SMIM9: variants seen among roughly 807,000 people sequenced by gnomAD.
The protein encoded by SMIM9 is chromosome X open reading frame 68.
In SMIM9, 8 loss-of-function variants were observed where a neutral mutation model predicts 7.2. The observed-to-expected ratio is 1.10, with a 90% confidence interval of 0.65 to 1.99. The LOEUF (loss-of-function observed/expected upper bound fraction) is 1.99, where lower values mean the gene tolerates loss of function less well. Among genes scored for constraint, SMIM9 ranks in the 30% most tolerant of loss-of-function variants. The pLI is 0.00. For synonymous variants in SMIM9, 19 were observed against 26.4 expected (o/e 0.72, Z 0.86); for missense variants, 76 against 69.3 (o/e 1.10, Z -0.34).
chrX:154,829,305 G>A (rs2072434176), intron 4 of SMIM9, among the ~76,000 whole-genome samples: 1 of 112,336 alleles, frequency 8.9e-6, no homozygotes, highest in South Asian at 3.7e-4. Context: ...GTCATTAAAT[G>A]TGACCTGTCA....
At chrX:154,829,712 T>C (rs2072436511) in intron 3 of SMIM9, 48 bp from the exon 4 acceptor site, 1 of 1,142,285 alleles carries the variant, frequency 8.8e-7, no homozygotes, top group Admixed American at 2.6e-5. Flanking sequence ...AAGTAAATGA[T>C]AGGGCTGGCG....
chrX:154,824,051 C>T (rs1343572333), intron 4 of SMIM9, among the ~76,000 whole-genome samples: 2 of 111,319 alleles, frequency 1.8e-5, no homozygotes, highest in Non-Finnish European at 3.8e-5. Flanking sequence ...AACAATACAG[C>T]TCATTGTAGA....
In SMIM9 at chrX:154,830,813, G is replaced by A. The variant is rs1460877843; in HGVS notation, c.44C>T (p.Ser15Phe). ...KLLIIGFLLCSLTCLLLETVA... is the reference protein window; with the variant it reads ...KLLIIGFLLCFLTCLLLETVA... ...TGTCTCCAACAAGAGGCAAGTTAGA[G>A]AGCATAGCAGAAATCCAATTATCAG... is the stretch of plus-strand genomic sequence containing the variant. Residue 15 changes from serine to phenylalanine, a missense_variant, in exon 3 of 5, where the codon TCT (serine) becomes TTT (phenylalanine). Physicochemically the swap from Ser to Phe is radical, Grantham distance 155. Transcript: ENST00000369529. 1.3e-5 allele frequency: 15 copies of A among 1,165,598 alleles called. No homozygotes were observed. The highest frequency in any genetic ancestry group is 1.7e-5 in the Non-Finnish European group (15 of 872,535).
chrX:154,831,013 G>A (rs1204148998), intron 2 of SMIM9, 58 bp from the exon 3 acceptor site: 23 of 570,303 alleles, frequency 4.0e-5, no homozygotes, highest in Non-Finnish European at 5.3e-5. Flanking sequence ...TCACCATCAC[G>A]AACATAAGGA....
At chrX:154,828,333 G>C (rs1557270334) in intron 4 of SMIM9, among the ~76,000 whole-genome samples, 1 of 111,077 alleles carries the variant, frequency 9.0e-6, no homozygotes, top group Admixed American at 9.6e-5. Context: ...ACAGGAAGAG[G>C]ATAAGCACCA....
intron 1 of SMIM9, among the ~76,000 whole-genome samples, 168 bp downstream of exon 1, chrX:154,834,395 C>T (rs143727248): frequency 0.068 from 7,542 of 111,710 alleles, 612 homozygotes; most frequent in African/African-American, 0.23. Flanking sequence ...TGTCCTGTGC[C>T]CACCAGGTAA....
intron 4 of SMIM9, among the ~76,000 whole-genome samples, chrX:154,824,913 G>A (rs2072414284): frequency 9.0e-6 from 1 of 111,707 alleles, no homozygotes; most frequent in Admixed American, 9.4e-5. Context: ...GAGTATAGAG[G>A]AGGAAGAATG....
At chrX:154,832,290 A>T (rs1340202555) in intron 2 of SMIM9, among the ~76,000 whole-genome samples, 1 of 111,408 alleles carries the variant, frequency 9.0e-6, no homozygotes, top group Non-Finnish European at 1.9e-5. Context: ...GCTTTTGGGA[A>T]GGCTTTTTGC....
At chrX:154,830,190 G>C (rs1483282476) in intron 3 of SMIM9, among the ~76,000 whole-genome samples, 3 of 111,472 alleles carry the variant, frequency 2.7e-5, no homozygotes, top group African/African-American at 9.8e-5. Context: ...AACTGGGGGA[G>C]GAAGGTACAG....
In SMIM9 at chrX:154,823,749, A is replaced by G. The variant is rs781800058; in HGVS notation, c.*6T>C. On this transcript the variant is annotated 3_prime_UTR_variant, in exon 5 of 5. Coordinates refer to ENST00000369529, the MANE Select transcript of SMIM9 (RefSeq NM_001162936.4). ...CCACACTTGCCCTGTTGAATCTTCT[A>G]GTTCTTCAGTGGACTGGATCAACTA... 1 of 1,162,874 alleles carries G rather than the reference A, an allele frequency of 8.6e-7. No individual in the cohort carries two copies. Among genetic ancestry groups the G allele is most frequent in the Non-Finnish European group, 1.1e-6 (1 of 870,865 alleles).
At chrX:154,828,168 T>C (rs1483805224) in intron 4 of SMIM9, among the ~76,000 whole-genome samples, 1 of 111,959 alleles carries the variant, frequency 8.9e-6, no homozygotes, top group Non-Finnish European at 1.9e-5. Context: ...TCCTCAGTAC[T>C]AAGTCACACT....
At chrX:154,831,677 T>C (rs1177494099) in intron 2 of SMIM9, among the ~76,000 whole-genome samples, 1 of 110,948 alleles carries the variant, frequency 9.0e-6, no homozygotes, top group Non-Finnish European at 1.9e-5. Context: ...GCTGACCACA[T>C]ATCCTATGAG....
At chrX:154,833,748 G>C (rs2072454314) in intron 1 of SMIM9, among the ~76,000 whole-genome samples, 1 of 108,759 alleles carries the variant, frequency 9.2e-6, no homozygotes, top group Non-Finnish European at 1.9e-5. Flanking sequence ...ATCAAGTCGA[G>C]GCAACATAGC....
intron 1 of SMIM9, among the ~76,000 whole-genome samples, chrX:154,834,176 T>C (rs1024584471): frequency 3.6e-5 from 4 of 112,459 alleles, no homozygotes; most frequent in African/African-American, 1.3e-4. Context: ...AAAGCAAGTA[T>C]ACACTGGAAG....
At position 154,832,588 on chromosome X, in the gene SMIM9, A is replaced by T. The variant is rs1338008145; in HGVS notation, c.-114T>A. On this transcript the variant is annotated 5_prime_UTR_variant, in exon 2 of 5. Transcript: ENST00000369529. ...AAACCACTTACCTGAAAATGGACTT[A>T]GGACCACGGAATTCAAAGAAACCAG... 8.9e-6 allele frequency: 1 copy of T among 112,131 alleles called. No individual in the cohort carries two copies. Among genetic ancestry groups the T allele is most frequent in the Non-Finnish European group, 1.9e-5 (1 of 53,230 alleles). The allele number at this position is 112,131 out of a possible 1,213,427, so 9.2% of individuals were successfully genotyped here.
rs1557270509 is a variant in SMIM9, at chrX:154,830,735, C to A, written c.122G>T (p.Gly41Val). The change falls in exon 3 of 5, where the codon GGA becomes GTA. Residue 41 changes from glycine to valine, a missense_variant. By Grantham distance (109) the Gly-to-Val change is moderately radical (BLOSUM62 -3). Coordinates refer to ENST00000369529, the MANE Select transcript of SMIM9 (RefSeq NM_001162936.4). Reference protein sequence around the residue: ...LSALGIQEKTGSKPRSGGNHR... With the variant: ...LSALGIQEKTVSKPRSGGNHR... ...CACACCCCCTGAGCGTGGTTTCGAT[C>A]CTGTTTTTTCTTGTATTCCCAAGGC... 3.4e-6 allele frequency: 4 copies of A among 1,167,547 alleles called. No individual in the cohort carries two copies. The highest frequency in any genetic ancestry group is 1.9e-5 in the South Asian group (1 of 52,596).
At chrX:154,831,050 C>G (rs2072443571) in intron 2 of SMIM9, 95 bp from the exon 3 acceptor site, 1 of 397,005 alleles carries the variant, frequency 2.5e-6, no homozygotes, top group African/African-American at 2.6e-5. Context: ...ACAGGTGACT[C>G]CTGAAAATGG....
chrX:154,828,911 C>A (rs147015340), intron 4 of SMIM9, among the ~76,000 whole-genome samples: 2,034 of 111,683 alleles, frequency 0.018, 48 homozygotes, highest in African/African-American at 0.062. Flanking sequence ...CCAACTATTT[C>A]CTGACCTCAT....
chrX:154,830,839 C>T lies in SMIM9; in HGVS notation c.18G>A (p.Leu6=), dbSNP rs1267285428. 1 of 1,165,218 alleles carries T rather than the reference C, an allele frequency of 8.6e-7. No homozygotes were observed. The highest frequency in any genetic ancestry group is 1.1e-6 in the Non-Finnish European group (1 of 872,383). The change falls in exon 3 of 5, where the codon CTG becomes CTA. Residue 6 remains leucine (L), a synonymous_variant. Coordinates refer to ENST00000369529, the MANE Select transcript of SMIM9 (RefSeq NM_001162936.4). MEPQK[L]LIIGFLLCSL... ...AGCATAGCAGAAATCCAATTATCAG[C>T]AGCTTCTGGGGTTCCATGGACTCCC...
Sources: gnomAD v4.1 joint callset for allele counts (sites outside exome capture counted in the v4.1 genomes callset) on GRCh38, gnomAD v4.1.1 for gene constraint, MANE v1.5 for transcripts, NCBI Gene and HGNC (gene_info 2026-07-23, HGNC 2026-07-21) for gene names.